The following ERC2 variants were observed in gnomAD, a reference collection of about 807,000 sequenced individuals.
ERC2 encodes ELKS/RAB6-interacting/CAST family member 2.
In ERC2, 42 loss-of-function variants were observed where a neutral mutation model predicts 114.8. The ratio of observed to expected loss-of-function variants is 0.37; its 90% CI spans 0.29 to 0.47. The LOEUF is 0.47. Ranked by LOEUF, ERC2 falls within the 20% of genes least tolerant of loss-of-function variation. The pLI is 0.99. For missense variants in ERC2, 939 were observed against 1,150.7 expected (o/e 0.82, Z 2.66); for synonymous variants, 454 against 425.5 (o/e 1.07, Z -0.82).
At chr3:55,974,044 T>C (rs1427756044) in intron 12 of ERC2, among the ~76,000 whole-genome samples, 2 of 152,122 alleles carry the variant, frequency 1.3e-5, no homozygotes. Flanking sequence ...AATCCCACTC[T>C]CTCTAGCAGC....
At chr3:55,984,189 CA>C (rs1194199379) in intron 12 of ERC2, among the ~76,000 whole-genome samples, 1 of 152,108 alleles carries the variant, frequency 6.6e-6, no homozygotes, top group Non-Finnish European at 1.5e-5. Context: ...CACATCCTAT[CA>C]ACACACCCTG....
chr3:56,357,861 C>G (rs1452211453), intron 2 of ERC2, among the ~76,000 whole-genome samples: 1 of 150,908 alleles, frequency 6.6e-6, no homozygotes, highest in East Asian at 1.9e-4. Context: ...TTCACAGAGC[C>G]TCTTCCATTT....
At chr3:55,666,222 A>G (rs1253131928) in intron 17 of ERC2, among the ~76,000 whole-genome samples, 1 of 152,104 alleles carries the variant, frequency 6.6e-6, no homozygotes, top group African/African-American at 2.4e-5. Context: ...GGAGCTCTCA[A>G]TCACTGCGCA....
intron 15 of ERC2, among the ~76,000 whole-genome samples, chr3:55,717,165 C>T (rs62249287): frequency 0.019 from 2,855 of 152,246 alleles, 36 homozygotes; most frequent in Middle Eastern, 0.031. Flanking sequence ...GGCTCACGGA[C>T]CTTGTTTTTA....
At chr3:56,053,435 T>G (rs1160893492) in intron 7 of ERC2, among the ~76,000 whole-genome samples, 1 of 152,134 alleles carries the variant, frequency 6.6e-6, no homozygotes, top group Non-Finnish European at 1.5e-5. Context: ...TATTTACATC[T>G]CAAAGGACAG....
At chr3:55,579,487 G>A (rs1488547887) in intron 17 of ERC2, among the ~76,000 whole-genome samples, 1 of 152,216 alleles carries the variant, frequency 6.6e-6, no homozygotes, top group Admixed American at 6.5e-5. Context: ...AACAGGTCAT[G>A]TTATAATGAG....
intron 3 of ERC2, among the ~76,000 whole-genome samples, chr3:56,265,172 G>A (rs538332764): frequency 6.6e-6 from 1 of 152,226 alleles, no homozygotes; most frequent in African/African-American, 2.4e-5. Flanking sequence ...GAAAAATAAA[G>A]TGGAGGCATC....
intron 14 of ERC2, among the ~76,000 whole-genome samples, chr3:55,786,740 G>A (rs764621832): frequency 8.5e-5 from 13 of 152,274 alleles, no homozygotes; most frequent in Non-Finnish European, 1.8e-4. Flanking sequence ...ATACATCTAA[G>A]TCAGAGGCCC....
At chr3:56,240,259 G>A (rs1353875786) in intron 3 of ERC2, among the ~76,000 whole-genome samples, 4 of 152,152 alleles carry the variant, frequency 2.6e-5, no homozygotes, top group Non-Finnish European at 5.9e-5. Context: ...TTACCTTTAA[G>A]AAGGAAATCT....
chr3:56,395,373 T>A (rs1440623951), intron 2 of ERC2, among the ~76,000 whole-genome samples: 3 of 152,146 alleles, frequency 2.0e-5, no homozygotes, highest in Admixed American at 1.3e-4. Context: ...TTATCTCCAA[T>A]CTTAAATACT....
chr3:56,321,901 C>A (rs2057143237), intron 2 of ERC2, among the ~76,000 whole-genome samples: 1 of 152,156 alleles, frequency 6.6e-6, no homozygotes, highest in Non-Finnish European at 1.5e-5. Context: ...AAACTCACCA[C>A]CTAACAAGAG....
intron 8 of ERC2, among the ~76,000 whole-genome samples, chr3:56,012,798 T>C (rs1468409230): frequency 6.6e-6 from 1 of 152,172 alleles, no homozygotes; most frequent in African/African-American, 2.4e-5. Flanking sequence ...GGGCCAGATG[T>C]CAAAAACATG....
chr3:55,649,955 C>T (rs555964442), intron 17 of ERC2, among the ~76,000 whole-genome samples: 124 of 152,278 alleles, frequency 8.1e-4, no homozygotes, highest in African/African-American at 2.8e-3. Context: ...GCAGAGGGGC[C>T]GGCAGGGAGG....
intron 16 of ERC2, among the ~76,000 whole-genome samples, chr3:55,688,992 G>A (rs1576145672): frequency 6.6e-6 from 1 of 152,288 alleles, no homozygotes; most frequent in East Asian, 1.9e-4. Context: ...CCCCAGTGGT[G>A]AAAGCGAAAC....
chr3:56,190,109 T>C (rs1358718669), intron 3 of ERC2, among the ~76,000 whole-genome samples: 1 of 152,206 alleles, frequency 6.6e-6, no homozygotes, highest in African/African-American at 2.4e-5. Context: ...CTAAAGGCTG[T>C]ATCTAAAAAA....
chr3:56,337,939 T>C (rs984406036), intron 2 of ERC2, among the ~76,000 whole-genome samples: 1 of 152,230 alleles, frequency 6.6e-6, no homozygotes, highest in Non-Finnish European at 1.5e-5. Context: ...AAAAAATTAA[T>C]AGATCATGGC....
intron 14 of ERC2, among the ~76,000 whole-genome samples, chr3:55,767,693 G>C (rs2149014271): frequency 6.6e-6 from 1 of 152,328 alleles, no homozygotes; most frequent in East Asian, 1.9e-4. Flanking sequence ...TGTTCTCCGG[G>C]AGTACACTAA....
At chr3:56,223,504 C>T (rs1421824488) in intron 3 of ERC2, among the ~76,000 whole-genome samples, 1 of 128,106 alleles carries the variant, frequency 7.8e-6, no homozygotes, top group African/African-American at 2.8e-5. Flanking sequence ...TCAAAGGCTA[C>T]CAAAGAAAAA....
At chr3:56,406,571 C>T (rs1047666106) in intron 2 of ERC2, among the ~76,000 whole-genome samples, 1 of 152,182 alleles carries the variant, frequency 6.6e-6, no homozygotes, top group African/African-American at 2.4e-5. Flanking sequence ...TCTGCTATCA[C>T]CATCTTGTAA....
Sources: allele counts gnomAD v4.1 joint callset (sites outside exome capture counted in the v4.1 genomes callset), GRCh38; gene constraint gnomAD v4.1.1; transcripts MANE v1.5; gene names NCBI Gene and HGNC (gene_info 2026-07-23, HGNC 2026-07-21).